Variants in SLC38A12 observed in about 807,000 individuals in gnomAD.
SLC38A12 encodes the protein solute carrier family 38 member 12, also known as putative sodium-coupled neutral amino acid transporter 12.
chr17:74,782,141 C>T, the SLC38A12 span, among the ~76,000 whole-genome samples: 1 of 152,206 alleles, frequency 6.6e-6, no homozygotes, highest in Non-Finnish European at 1.5e-5. Flanking sequence ...GATCTCGGCT[C>T]ACTGCAACCT....
At chr17:74,795,645 G>T in the SLC38A12 span, 1 of 1,607,956 alleles carries the variant, frequency 6.2e-7, no homozygotes, top group Non-Finnish European at 8.5e-7. Flanking sequence ...GAGTGTCTGT[G>T]CCTCTGTGCC....
At chr17:74,806,574 T>C in the SLC38A12 span, among the ~76,000 whole-genome samples, 3 of 152,156 alleles carry the variant, frequency 2.0e-5, no homozygotes, top group Admixed American at 6.5e-5. Context: ...GTTTTCATGC[T>C]CTTCAGAGCT....
the SLC38A12 span, among the ~76,000 whole-genome samples, chr17:74,800,914 T>C: frequency 6.6e-6 from 1 of 152,338 alleles, no homozygotes; most frequent in African/African-American, 2.4e-5. Flanking sequence ...AGAAACGGAA[T>C]GCAGGACCCT....
the SLC38A12 span, among the ~76,000 whole-genome samples, chr17:74,816,258 C>T: frequency 6.6e-6 from 1 of 152,222 alleles, no homozygotes. Flanking sequence ...AGAGAACACA[C>T]ATCTGTGGTT....
At chr17:74,786,226 G>A in the SLC38A12 span, among the ~76,000 whole-genome samples, 3 of 152,220 alleles carry the variant, frequency 2.0e-5, no homozygotes, top group Non-Finnish European at 2.9e-5. Flanking sequence ...TCCCACACAC[G>A]TAGGGACTAG....
At chr17:74,821,037 A>T in the SLC38A12 span, among the ~76,000 whole-genome samples, 2 of 152,150 alleles carry the variant, frequency 1.3e-5, no homozygotes, top group African/African-American at 4.8e-5. Flanking sequence ...CCCCTCTGGG[A>T]GCAGGCTGTA....
chr17:74,812,508 C>T, the SLC38A12 span, among the ~76,000 whole-genome samples: 36,080 of 152,070 alleles, frequency 0.24, 4,567 homozygotes, highest in Middle Eastern at 0.31. Context: ...TAGGGACGGG[C>T]TCATGCTGAG....
the SLC38A12 span, chr17:74,836,227 G>T: frequency 1.2e-6 from 2 of 1,611,504 alleles, no homozygotes; most frequent in Non-Finnish European, 8.5e-7. This position sits in a 1 kb window ranked among gnomAD's most constrained non-coding sequence, Gnocchi z 4.2. Flanking sequence ...AACTTCGCGC[G>T]CTGTGACGTC....
At chr17:74,828,543 C>G in the SLC38A12 span, among the ~76,000 whole-genome samples, 1 of 152,108 alleles carries the variant, frequency 6.6e-6, no homozygotes, top group Non-Finnish European at 1.5e-5. Flanking sequence ...GGGCAGGGAC[C>G]GTTGGGCAGG....
the SLC38A12 span, among the ~76,000 whole-genome samples, chr17:74,791,352 G>GTGAGGGT: frequency 6.7e-6 from 1 of 148,896 alleles, no homozygotes; most frequent in African/African-American, 2.5e-5. Flanking sequence ...AGCTACTCCA[G>GTGAGGGT]CGGAGGTCAG....
the SLC38A12 span, among the ~76,000 whole-genome samples, chr17:74,805,334 G>A: frequency 6.6e-6 from 1 of 152,220 alleles, no homozygotes; most frequent in African/African-American, 2.4e-5. The surrounding 1 kb of genome is among the most constrained non-coding windows in gnomAD (Gnocchi z 5.0). Context: ...GAGAGAAGAG[G>A]GGCTGTGCGT....
At chr17:74,810,719 G>A in the SLC38A12 span, among the ~76,000 whole-genome samples, 7 of 152,322 alleles carry the variant, frequency 4.6e-5, no homozygotes, top group East Asian at 7.7e-4. Context: ...CTGCCCTGTC[G>A]AGAACATTTT....
chr17:74,795,019 C>A, the SLC38A12 span: 4 of 1,613,776 alleles, frequency 2.5e-6, no homozygotes, highest in South Asian at 2.2e-5. Context: ...CAGTGGGGGT[C>A]AACTTGTTCT....
chr17:74,808,152 T>C, the SLC38A12 span, among the ~76,000 whole-genome samples: 1 of 152,228 alleles, frequency 6.6e-6, no homozygotes, highest in South Asian at 2.1e-4. Context: ...AGGCAGCTTG[T>C]CCTCCAATGA....
chr17:74,837,375 A>G, the SLC38A12 span: 1 of 985,490 alleles, frequency 1.0e-6, no homozygotes, highest in Non-Finnish European at 1.2e-6. Flanking sequence ...CATCCCTTCT[A>G]CAGGGACACA....
the SLC38A12 span, among the ~76,000 whole-genome samples, chr17:74,829,584 G>C: frequency 6.6e-6 from 1 of 152,314 alleles, no homozygotes. This position sits in a 1 kb window ranked among gnomAD's most constrained non-coding sequence, Gnocchi z 4.1. Flanking sequence ...CGGCATTCAG[G>C]CTGCCCAGAA....
At chr17:74,816,975 C>T in the SLC38A12 span, among the ~76,000 whole-genome samples, 1 of 152,070 alleles carries the variant, frequency 6.6e-6, no homozygotes, top group African/African-American at 2.4e-5. Flanking sequence ...GGACACTGCC[C>T]CTGCTAGACC....
chr17:74,835,984 G>A, the SLC38A12 span: 1 of 1,611,656 alleles, frequency 6.2e-7, no homozygotes, highest in Non-Finnish European at 8.5e-7. Context: ...CAAGGGGAGG[G>A]GCACCCGCCC....
the SLC38A12 span, chr17:74,838,049 C>T: frequency 2.0e-6 from 2 of 985,772 alleles, no homozygotes; most frequent in African/African-American, 1.7e-5. Flanking sequence ...GATGTAGGGT[C>T]TCCCGGGGCC....
Sources: gnomAD v4.1 joint callset for allele counts (sites outside exome capture counted in the v4.1 genomes callset) on GRCh38, gnomAD v4.1.1 for gene constraint, Gnocchi (gnomAD v3.1) non-coding constraint, MANE v1.5 for transcripts, NCBI Gene and HGNC (gene_info 2026-07-23, HGNC 2026-07-21) for gene names.